The following JAKMIP2 variants were observed in gnomAD, a reference collection of about 807,000 sequenced individuals.
The protein encoded by JAKMIP2 is janus kinase and microtubule interacting protein 2.
JAKMIP2 carries 25 observed loss-of-function variants against 115.0 expected under a neutral mutation model. That is an observed-to-expected ratio of 0.22 (90% CI 0.16 to 0.30). The LOEUF is 0.30. Among genes scored for constraint, JAKMIP2 ranks in the 10% least tolerant of loss-of-function variants. JAKMIP2 has a pLI of 1.00. For missense variants in JAKMIP2, 642 were observed against 957.6 expected (o/e 0.67, Z 4.35); for synonymous variants, 334 against 343.6 (o/e 0.97, Z 0.31).
chr5:147,772,090 C>T (rs1755379828), intron 1 of JAKMIP2, among the ~76,000 whole-genome samples: 1 of 151,876 alleles, frequency 6.6e-6, no homozygotes, highest in South Asian at 2.1e-4. Context: ...TCTGCCCTGT[C>T]TTTATTCTTG....
Position 147,659,199 on chromosome 5 carries a change from A to T in JAKMIP2, c.627+1749T>A, listed in dbSNP as rs576510331. 2.0e-5 allele frequency among the ~76,000 whole-genome samples: 3 copies of T among 152,196 alleles called. No homozygotes were observed. The East Asian group carries it at 5.8e-4, about 29-fold the overall frequency. On this transcript the variant is annotated intron_variant, in intron 3 of 21. Coordinates refer to ENST00000616793, the MANE Select transcript of JAKMIP2 (RefSeq NM_001270941.2). ...TGTAGGCTCATGAGGGAATGTGCTG[A>T]TCCGTGGATTGCAAGTGTCCATGGG... is the stretch of plus-strand genomic sequence containing the variant.
At chr5:147,781,737 T>G (rs1449485656) in intron 1 of JAKMIP2, among the ~76,000 whole-genome samples, 2 of 152,176 alleles carry the variant, frequency 1.3e-5, no homozygotes, top group Admixed American at 1.3e-4. Flanking sequence ...TTCAAAAACA[T>G]GCAATTACTT....
At chr5:147,651,431 T>C (rs1758389350) in intron 3 of JAKMIP2, among the ~76,000 whole-genome samples, 1 of 152,160 alleles carries the variant, frequency 6.6e-6, no homozygotes, top group Non-Finnish European at 1.5e-5. Flanking sequence ...ATAAACAATT[T>C]TTAAAGAGAG....
chr5:147,681,111 A>C (rs1760243265), intron 1 of JAKMIP2, among the ~76,000 whole-genome samples: 1 of 152,216 alleles, frequency 6.6e-6, no homozygotes, highest in Non-Finnish European at 1.5e-5. Context: ...AAATATAACC[A>C]AAAAGTTATT....
intron 16 of JAKMIP2, 43 bp from the exon 17 acceptor site, chr5:147,623,732 A>T (rs1159197758): frequency 1.6e-6 from 2 of 1,261,370 alleles, no homozygotes; most frequent in Non-Finnish European, 2.3e-6. Context: ...TGGCTGCTTG[A>T]TATGGTGTAT....
intron 1 of JAKMIP2, among the ~76,000 whole-genome samples, chr5:147,777,629 A>C (rs541157945): frequency 0.017 from 2,644 of 152,208 alleles, 93 homozygotes; most frequent in African/African-American, 0.061. Flanking sequence ...TTTTAAATAT[A>C]AAAAAAACTT....
chr5:147,703,461 T>C lies in JAKMIP2; in HGVS notation c.-148-31507A>G, dbSNP rs1160073325. 4.6e-5 allele frequency among the ~76,000 whole-genome samples: 7 copies of C among 152,222 alleles called. No homozygotes were observed. The East Asian group carries it at 9.7e-4, about 21-fold the overall frequency. ...AAGTTGTTCTGGGTGAGCGAATAAG[T>C]GAGTGGTGAGTGAACGTGAAGACCT... On this transcript the variant is annotated intron_variant, in intron 1 of 21. Coordinates refer to ENST00000616793, the MANE Select transcript of JAKMIP2 (RefSeq NM_001270941.2).
chr5:147,762,892 G>C (rs1754979961), intron 1 of JAKMIP2, among the ~76,000 whole-genome samples: 1 of 151,972 alleles, frequency 6.6e-6, no homozygotes, highest in African/African-American at 2.4e-5. Flanking sequence ...TCATTTTAAG[G>C]CTTTTGATAT....
Position 147,589,066 on chromosome 5 carries a change from A to C in JAKMIP2, c.*2641T>G, listed in dbSNP as rs1356532817. 2 of 152,096 alleles carry C rather than the reference A, an allele frequency of 1.3e-5. No homozygotes were observed. The highest frequency in any genetic ancestry group is 2.4e-5 in the African/African-American group (1 of 41,398). The allele number at this position is 152,096 out of a possible 1,614,324, so 9.4% of individuals were successfully genotyped here. ...TCAAGTTGGCTAGTGTTGGGTCACC[A>C]ACACTGTAGAGGCACCCTCTTTCAC... On this transcript the variant is annotated 3_prime_UTR_variant, in exon 22 of 22. Transcript: ENST00000616793.
At chr5:147,592,043 T>C (rs567926045) in intron 21 of JAKMIP2, among the ~76,000 whole-genome samples, 1 of 152,310 alleles carries the variant, frequency 6.6e-6, no homozygotes, top group African/African-American at 2.4e-5. Context: ...TTTAAGATGT[T>C]ATTTTATTTT....
intron 3 of JAKMIP2, among the ~76,000 whole-genome samples, chr5:147,652,148 C>T (rs1758429852): frequency 1.3e-5 from 2 of 152,012 alleles, no homozygotes; most frequent in African/African-American, 4.8e-5. Flanking sequence ...TTATAACAAT[C>T]CTATTCAGTA....
chr5:147,622,089 A>T (rs988431055), intron 17 of JAKMIP2, among the ~76,000 whole-genome samples: 2 of 151,940 alleles, frequency 1.3e-5, no homozygotes, highest in African/African-American at 4.8e-5. Context: ...CTGGTCTCGA[A>T]CTCCTGACCT....
chr5:147,727,539 C>T (rs1170820604), intron 1 of JAKMIP2, among the ~76,000 whole-genome samples: 1 of 152,162 alleles, frequency 6.6e-6, no homozygotes, highest in African/African-American at 2.4e-5. Flanking sequence ...ACTTTTAAAG[C>T]ATCAGATCTT....
intron 21 of JAKMIP2, among the ~76,000 whole-genome samples, chr5:147,593,927 A>C (rs1380863325): frequency 6.6e-6 from 1 of 152,250 alleles, no homozygotes; most frequent in Admixed American, 6.5e-5. Flanking sequence ...ATATACAAAC[A>C]CAAAAAGTCT....
chr5:147,642,105 A>G (rs968454887), intron 7 of JAKMIP2, among the ~76,000 whole-genome samples: 2 of 152,218 alleles, frequency 1.3e-5, no homozygotes, highest in Non-Finnish European at 2.9e-5. Context: ...TCCTAGATCC[A>G]AAATTACTTT....
Position 147,604,378 on chromosome 5 carries a change from A to G in JAKMIP2, c.2413-2567T>C, listed in dbSNP as rs182354882. Reference sequence around the variant, plus strand: ...ACCTCATTTGTTCCTCATGGAACCCATGGGAAGAAGAAGGGACAAGTGTTA... The same window carrying G: ...ACCTCATTTGTTCCTCATGGAACCCGTGGGAAGAAGAAGGGACAAGTGTTA... On this transcript the variant is annotated intron_variant, in intron 20 of 21. Transcript: ENST00000616793. Among the ~76,000 whole-genome samples the G allele has an allele frequency of 2.1e-3, 313 of 152,296 alleles. 2 individuals carry two copies. The highest frequency in any genetic ancestry group is 7.1e-3 in the African/African-American group (293 of 41,554).
chr5:147,676,827 G>A (rs560766472), intron 1 of JAKMIP2, among the ~76,000 whole-genome samples: 3 of 152,184 alleles, frequency 2.0e-5, no homozygotes, highest in Non-Finnish European at 4.4e-5. Context: ...AGAATTACAG[G>A]CATCATTCCT....
chr5:147,750,236 G>T (rs1443327884), intron 1 of JAKMIP2, among the ~76,000 whole-genome samples: 1 of 152,130 alleles, frequency 6.6e-6, no homozygotes. Flanking sequence ...TGGGAAAGGT[G>T]CTCTGAAAGG....
At chr5:147,646,907 T>G (rs186647054) in intron 5 of JAKMIP2, among the ~76,000 whole-genome samples, 8 of 151,808 alleles carry the variant, frequency 5.3e-5, no homozygotes, top group African/African-American at 1.9e-4. Flanking sequence ...CATATAAAGT[T>G]AAATTTAAAG....
Sources: gnomAD v4.1 joint callset for allele counts (sites outside exome capture counted in the v4.1 genomes callset) on GRCh38, gnomAD v4.1.1 for gene constraint, MANE v1.5 for transcripts, NCBI Gene and HGNC (gene_info 2026-07-23, HGNC 2026-07-21) for gene names.